The following NLN variants were observed in gnomAD, a reference collection of about 807,000 sequenced individuals.
NLN encodes the protein neurolysin, mitochondrial.
Under a neutral mutation model 79.9 loss-of-function variants are expected in NLN, and 64 were observed. The observed-to-expected ratio is 0.80, with a 90% CI of 0.65 to 0.99. NLN has a LOEUF of 0.99. NLN is among the 50% of genes least tolerant of loss of function. The pLI is 0.00. For synonymous variants in NLN, 267 were observed against 296.6 expected (o/e 0.90, Z 1.02); for missense variants, 835 against 858.7 (o/e 0.97, Z 0.34).
intron 9 of NLN, among the ~76,000 whole-genome samples, chr5:65,795,197 T>TA (rs974603561): frequency 4.6e-5 from 7 of 151,112 alleles, no homozygotes; most frequent in Admixed American, 1.3e-4. Context: ...CTACCAAAAA[T>TA]AAAAAAAATT....
intron 2 of NLN, 146 bp from the exon 3 acceptor site, chr5:65,762,814 C>A (rs1759366518): frequency 2.9e-6 from 2 of 680,782 alleles, no homozygotes; most frequent in Admixed American, 3.2e-5. Context: ...GATGCTTTTT[C>A]TTGGTAGCCT....
At chr5:65,794,196 G>A (rs757215661) in intron 9 of NLN, among the ~76,000 whole-genome samples, 2 of 152,130 alleles carry the variant, frequency 1.3e-5, no homozygotes, top group Non-Finnish European at 2.9e-5. Flanking sequence ...TGCTGACAAT[G>A]GTGGCATGAG....
intron 6 of NLN, among the ~76,000 whole-genome samples, chr5:65,783,876 C>T (rs1759857778): frequency 6.6e-6 from 1 of 151,990 alleles, no homozygotes; most frequent in Admixed American, 6.6e-5. Context: ...ATGTATGTTT[C>T]TCTTCTATGT....
At chr5:65,727,888 T>C (rs968954669) in intron 1 of NLN, among the ~76,000 whole-genome samples, 4 of 152,176 alleles carry the variant, frequency 2.6e-5, no homozygotes, top group African/African-American at 9.7e-5. Context: ...TGCCTCAGGC[T>C]CCTGAGTGGC....
chr5:65,790,489 G>A (rs973702412), intron 8 of NLN, among the ~76,000 whole-genome samples: 8 of 152,306 alleles, frequency 5.3e-5, no homozygotes, highest in African/African-American at 1.2e-4. Flanking sequence ...CCTTCTTCAC[G>A]TGGCGGCAGG....
At chr5:65,735,699 A>G (rs1374886434) in intron 1 of NLN, among the ~76,000 whole-genome samples, 2 of 152,060 alleles carry the variant, frequency 1.3e-5, no homozygotes, top group African/African-American at 2.4e-5. Flanking sequence ...TCAGTTTGCA[A>G]TTTTTCTTTA....
chr5:65,796,997 G>A (rs1400312993), intron 9 of NLN, among the ~76,000 whole-genome samples: 1 of 152,236 alleles, frequency 6.6e-6, no homozygotes, highest in Non-Finnish European at 1.5e-5. Flanking sequence ...TTTCAAACAT[G>A]TAGATGCACT....
At chr5:65,805,411 A>G (rs1180075888) in intron 9 of NLN, among the ~76,000 whole-genome samples, 3 of 152,264 alleles carry the variant, frequency 2.0e-5, no homozygotes, top group African/African-American at 7.2e-5. Flanking sequence ...AGTTATTACA[A>G]GTGCTACTCC....
chr5:65,778,525 C>CCCTTTGTCTT (rs1759728075), intron 4 of NLN, among the ~76,000 whole-genome samples: 2 of 152,174 alleles, frequency 1.3e-5, no homozygotes, highest in South Asian at 4.1e-4. Context: ...ACTTACCTGA[C>CCCTTTGTCTT]CCTTTGTCTT....
In NLN at chr5:65,792,707, C is replaced by G. The variant is rs376532463; in HGVS notation, c.1527+52C>G. ...CCTGCCAATTAGTTTTTTTAGAAAACTTCTTGACTGCTGTCAGGTTTCTGC... is the reference window on the plus strand; with the variant it reads ...CCTGCCAATTAGTTTTTTTAGAAAAGTTCTTGACTGCTGTCAGGTTTCTGC... On this transcript the variant is annotated intron_variant, in intron 9 of 12. Coordinates refer to ENST00000380985, the MANE Select transcript of NLN (RefSeq NM_020726.5). 1.4e-4 allele frequency: 190 copies of G among 1,344,422 alleles called. 1 individual carries two copies. In the African/African-American group the frequency reaches 2.6e-3, roughly 18 times the overall value. The allele number at this position is 1,344,422 out of a possible 1,614,324, so 83.3% of individuals were successfully genotyped here. A position where few individuals can be genotyped will look rare whatever the true frequency, so the allele number is the denominator to read the frequency against.
intron 1 of NLN, among the ~76,000 whole-genome samples, chr5:65,752,954 T>A (rs114362769): frequency 3.7e-4 from 57 of 152,310 alleles, no homozygotes; most frequent in African/African-American, 1.3e-3. Flanking sequence ...TGTTTCTGTC[T>A]TTTTAGCCCT....
chr5:65,743,417 T>A (rs538637970), intron 1 of NLN, among the ~76,000 whole-genome samples: 1 of 152,248 alleles, frequency 6.6e-6, no homozygotes, highest in Non-Finnish European at 1.5e-5. Flanking sequence ...TTTAAGGAAC[T>A]TTCAGTTAGA....
At chr5:65,773,428 C>T (rs530401167) in intron 3 of NLN, among the ~76,000 whole-genome samples, 61 of 152,280 alleles carry the variant, frequency 4.0e-4, no homozygotes, top group African/African-American at 1.3e-3. Context: ...CCACTGTGCC[C>T]AGCCCTGAAT....
chr5:65,733,106 G>A, intron 1 of NLN: 1 of 1,417,950 alleles, frequency 7.1e-7, no homozygotes, highest in South Asian at 1.2e-5. Context: ...GGTGCCTCAA[G>A]AACCTCTTGG....
chr5:65,775,818 C>T (rs542470084), intron 3 of NLN, among the ~76,000 whole-genome samples: 1 of 152,330 alleles, frequency 6.6e-6, no homozygotes, highest in East Asian at 1.9e-4. Flanking sequence ...GTTCCAACTC[C>T]AGTCATGCCA....
chr5:65,724,716 G>A (rs1758418216), intron 1 of NLN, among the ~76,000 whole-genome samples: 1 of 151,682 alleles, frequency 6.6e-6, no homozygotes. Flanking sequence ...AGTACCTAAG[G>A]ATTCCAATTT....
In NLN at chr5:65,828,330, C is replaced by T. The variant is rs1760957629; in HGVS notation, c.*5415C>T. On this transcript the variant is annotated 3_prime_UTR_variant, in exon 13 of 13. Coordinates refer to ENST00000380985, the MANE Select transcript of NLN (RefSeq NM_020726.5). ...TCAATTACTGTTGGAATATTGTGTTCCTTTCTAGATATCACATTTTAAGCA... is the reference window on the plus strand; with the variant it reads ...TCAATTACTGTTGGAATATTGTGTTTCTTTCTAGATATCACATTTTAAGCA... 6.6e-6 allele frequency: 1 copy of T among 152,168 alleles called. No individual in the cohort carries two copies. The highest frequency in any genetic ancestry group is 2.4e-5 in the African/African-American group (1 of 41,446). 9.4% of individuals were successfully genotyped at this position (152,168 alleles called of 1,614,324 possible).
intron 2 of NLN, among the ~76,000 whole-genome samples, chr5:65,762,151 G>A (rs1229437556): frequency 6.6e-6 from 1 of 152,134 alleles, no homozygotes; most frequent in Admixed American, 6.6e-5. Context: ...ATTATTTAAT[G>A]GACTGTCTCC....
intron 1 of NLN, among the ~76,000 whole-genome samples, chr5:65,728,624 A>G (rs1462497070): frequency 6.6e-6 from 1 of 152,188 alleles, no homozygotes; most frequent in Non-Finnish European, 1.5e-5. Flanking sequence ...TGAGCATTTT[A>G]ATTTTTTTTA....
Sources: allele counts gnomAD v4.1 joint callset (sites outside exome capture counted in the v4.1 genomes callset), GRCh38; gene constraint gnomAD v4.1.1; transcripts MANE v1.5; gene names NCBI Gene and HGNC (gene_info 2026-07-23, HGNC 2026-07-21).